Variants in SYNPR observed in about 807,000 individuals in gnomAD.
SYNPR encodes synaptoporin.
In SYNPR, 23 loss-of-function variants were observed where a neutral mutation model predicts 32.9. The observed-to-expected ratio is 0.70, with a 90% CI of 0.50 to 0.99. The LOEUF (loss-of-function observed/expected upper bound fraction) is 0.99. SYNPR is among the 50% of genes least tolerant of loss of function. The probability of loss-of-function intolerance (pLI) is 0.00; values close to 1 mark genes in which losing one functional copy is unlikely to be tolerated. For missense variants in SYNPR, 318 were observed against 349.3 expected, an observed-to-expected ratio of 0.91 and a Z score of 0.71; for synonymous variants, 146 against 135.9, an observed-to-expected ratio of 1.07 and a Z score of -0.52.
chr3:63,535,175 A>G (rs186108228), intron 3 of SYNPR, among the ~76,000 whole-genome samples: 1 of 152,308 alleles, frequency 6.6e-6, no homozygotes, highest in Admixed American at 6.5e-5. Context: ...ACATACAATT[A>G]CAGATGTGGT....
intron 4 of SYNPR, among the ~76,000 whole-genome samples, chr3:63,561,775 G>A (rs976673221): frequency 6.6e-6 from 1 of 152,118 alleles, no homozygotes; most frequent in Non-Finnish European, 1.5e-5. Flanking sequence ...AATGTGTATT[G>A]TGAATCACAG....
At chr3:63,371,491 C>A (rs1482125161) in intron 2 of SYNPR, among the ~76,000 whole-genome samples, 2 of 152,244 alleles carry the variant, frequency 1.3e-5, no homozygotes, top group African/African-American at 2.4e-5. Context: ...CTCCAGCCAC[C>A]TACTGCCTGG....
intron 1 of SYNPR, among the ~76,000 whole-genome samples, chr3:63,232,224 C>G (rs1330120768): frequency 1.7e-5 from 1 of 57,952 alleles, no homozygotes; most frequent in South Asian, 7.6e-4. Flanking sequence ...TTTTTTGAGA[C>G]AGAGTCTTGT....
intron 2 of SYNPR, among the ~76,000 whole-genome samples, chr3:63,411,420 T>C (rs1363808438): frequency 3.3e-5 from 5 of 152,166 alleles, no homozygotes; most frequent in Non-Finnish European, 5.9e-5. Flanking sequence ...AATGGGTAAG[T>C]CAGGCATAAT....
intron 2 of SYNPR, among the ~76,000 whole-genome samples, chr3:63,442,301 C>T (rs913432213): frequency 1.3e-5 from 2 of 152,020 alleles, no homozygotes; most frequent in Non-Finnish European, 2.9e-5. Context: ...CTTTGGACAA[C>T]TCCAAATTAA....
intron 2 of SYNPR, among the ~76,000 whole-genome samples, chr3:63,313,420 A>C (rs1375359059): frequency 6.6e-6 from 1 of 151,444 alleles, no homozygotes; most frequent in African/African-American, 2.4e-5. Flanking sequence ...ACACCTTTGC[A>C]TCCTCATAGC....
chr3:63,509,689 C>G (rs543654515), intron 3 of SYNPR, among the ~76,000 whole-genome samples: 2 of 152,030 alleles, frequency 1.3e-5, no homozygotes, highest in African/African-American at 4.8e-5. Flanking sequence ...TAATTAAGTT[C>G]CAACTAAATT....
At chr3:63,302,272 C>T (rs945589365) in intron 2 of SYNPR, among the ~76,000 whole-genome samples, 5 of 151,998 alleles carry the variant, frequency 3.3e-5, no homozygotes, top group African/African-American at 4.8e-5. Flanking sequence ...ATAAACTAGG[C>T]TTTACAGCAG....
chr3:63,278,805 C>T, intron 2 of SYNPR, 63 bp downstream of exon 2: 2 of 1,512,238 alleles, frequency 1.3e-6, no homozygotes, highest in Middle Eastern at 1.9e-4. Context: ...GAGGAGAGGT[C>T]GGATGGGGTG....
At chr3:63,361,561 G>A (rs1560205073) in intron 2 of SYNPR, among the ~76,000 whole-genome samples, 1 of 147,830 alleles carries the variant, frequency 6.8e-6, no homozygotes, top group African/African-American at 2.5e-5. Context: ...TTGCACCACT[G>A]CGCTCCAGCC....
In SYNPR at chr3:63,408,154, G is replaced by GAAAGA. The variant is rs369106701; in HGVS notation, c.85-72675_85-72671dup. 3.0e-3 allele frequency among the ~76,000 whole-genome samples: 202 copies of GAAAGA among 66,462 alleles called. 19 individuals are homozygous for GAAAGA. Among genetic ancestry groups the GAAAGA allele is most frequent in the Middle Eastern group, 6.0e-3 (1 of 166 alleles). 43.6% of individuals were successfully genotyped at this position (66,462 alleles called of 152,430 possible). A position where few individuals can be genotyped will look rare whatever the true frequency, so the allele number is the denominator to read the frequency against. On this transcript the variant is annotated intron_variant, in intron 2 of 5. Coordinates refer to ENST00000478300, the MANE Select transcript of SYNPR (RefSeq NM_001130003.2). ...CAATAGAAGAAAGAAAAGAAAGAAA[G>GAAAGA]AAAGAAAGAAAGAAAGAAAGAAAGA...
chr3:63,564,954 C>G (rs1340087352), intron 4 of SYNPR, among the ~76,000 whole-genome samples: 4 of 152,170 alleles, frequency 2.6e-5, no homozygotes, highest in African/African-American at 9.7e-5. Flanking sequence ...CTTTGGTGGG[C>G]TGGTGGAAAA....
At chr3:63,561,388 C>T (rs1280202520) in intron 4 of SYNPR, 5 of 152,268 alleles carry the variant, frequency 3.3e-5, no homozygotes, top group African/African-American at 1.2e-4. Context: ...TCCCTGGTTG[C>T]ATCACTTATA....
At chr3:63,571,387 G>A (rs1023825914) in intron 4 of SYNPR, among the ~76,000 whole-genome samples, 1 of 152,102 alleles carries the variant, frequency 6.6e-6, no homozygotes, top group African/African-American at 2.4e-5. Context: ...TAATCATTGT[G>A]TTTTTTCAAG....
chr3:63,269,687 C>T (rs1023878162), intron 3 of SYNPR, among the ~76,000 whole-genome samples: 6 of 151,900 alleles, frequency 3.9e-5, no homozygotes, highest in African/African-American at 1.5e-4. Context: ...CTACCTACTG[C>T]TCTACACAGA....
chr3:63,439,687 T>C (rs575952713), intron 2 of SYNPR, among the ~76,000 whole-genome samples: 3 of 152,358 alleles, frequency 2.0e-5, no homozygotes, highest in African/African-American at 7.2e-5. Flanking sequence ...TAAATCAATA[T>C]GACACTGAAA....
chr3:63,362,133 C>A (rs1036759592), intron 2 of SYNPR, among the ~76,000 whole-genome samples: 1 of 152,184 alleles, frequency 6.6e-6, no homozygotes, highest in Non-Finnish European at 1.5e-5. Context: ...CCCCTCCTGC[C>A]ATAACCAGAG....
At chr3:63,426,855 G>C (rs893759164) in intron 2 of SYNPR, 1 of 152,038 alleles carries the variant, frequency 6.6e-6, no homozygotes, top group Admixed American at 6.5e-5. Context: ...GGGCAGTTCT[G>C]GTGACAGAAT....
intron 2 of SYNPR, among the ~76,000 whole-genome samples, chr3:63,480,002 T>C (rs985423661): frequency 3.9e-5 from 6 of 152,216 alleles, no homozygotes; most frequent in Non-Finnish European, 7.3e-5. Context: ...CCTTTAGAAA[T>C]GACCAAGAAA....
Sources: gnomAD v4.1 joint callset for allele counts (sites outside exome capture counted in the v4.1 genomes callset) on GRCh38, gnomAD v4.1.1 for gene constraint, MANE v1.5 for transcripts, NCBI Gene and HGNC (gene_info 2026-07-23, HGNC 2026-07-21) for gene names.